RPS6KC1: variants seen among roughly 807,000 people sequenced by gnomAD.
The protein encoded by RPS6KC1 is ribosomal protein S6 kinase C1.
RPS6KC1 carries 54 observed loss-of-function variants against 103.8 expected under a neutral mutation model. The ratio of observed to expected loss-of-function variants is 0.52; its 90% CI spans 0.42 to 0.65. RPS6KC1 has a LOEUF of 0.65. RPS6KC1 is among the 30% of genes least tolerant of loss of function. The pLI, the probability that RPS6KC1 is intolerant of heterozygous loss-of-function variation, is 0.00. For missense variants in RPS6KC1, 1,151 were observed against 1,253.8 expected (o/e 0.92, Z 1.24); for synonymous variants, 439 against 438.7 (o/e 1.00, Z -0.01).
At chr1:213,675,684 C>A in the RPS6KC1 span, among the ~76,000 whole-genome samples, 4 of 151,906 alleles carry the variant, frequency 2.6e-5, no homozygotes, top group Non-Finnish European at 5.9e-5. Flanking sequence ...AGACACCAGT[C>A]TGACCAACAT....
the RPS6KC1 span, among the ~76,000 whole-genome samples, chr1:213,600,362 C>A: frequency 6.6e-6 from 1 of 152,150 alleles, no homozygotes; most frequent in Non-Finnish European, 1.5e-5. Flanking sequence ...GGAGGAGTCC[C>A]CTCTCTACCC....
chr1:213,076,520 G>A (rs2079353441), intron 2 of RPS6KC1, among the ~76,000 whole-genome samples: 1 of 152,056 alleles, frequency 6.6e-6, no homozygotes, highest in African/African-American at 2.4e-5. Flanking sequence ...CTGAAGTAAT[G>A]GGATTTAAAA....
At chr1:213,147,834 A>G (rs1004474998) in intron 6 of RPS6KC1, among the ~76,000 whole-genome samples, 2 of 152,134 alleles carry the variant, frequency 1.3e-5, no homozygotes, top group Admixed American at 1.3e-4. Context: ...TGAACATGGA[A>G]TATTTTTCCA....
At chr1:213,833,630 C>T in the RPS6KC1 span, among the ~76,000 whole-genome samples, 2 of 152,062 alleles carry the variant, frequency 1.3e-5, no homozygotes, top group Non-Finnish European at 2.9e-5. Context: ...ATTCAGTGCT[C>T]TTTATAAATT....
chr1:213,666,060 A>G, the RPS6KC1 span, among the ~76,000 whole-genome samples: 1 of 152,006 alleles, frequency 6.6e-6, no homozygotes, highest in African/African-American at 2.4e-5. Flanking sequence ...GTTAGCCATG[A>G]CCCCCTCTCG....
chr1:213,102,629 G>A (rs1156597220), intron 3 of RPS6KC1, among the ~76,000 whole-genome samples: 1 of 152,068 alleles, frequency 6.6e-6, no homozygotes, highest in Non-Finnish European at 1.5e-5. Context: ...AAAAATTGAG[G>A]AAGAAAGCAA....
chr1:213,154,524 C>T (rs1049154938), intron 6 of RPS6KC1, among the ~76,000 whole-genome samples: 1 of 152,228 alleles, frequency 6.6e-6, no homozygotes, highest in East Asian at 1.9e-4. Context: ...AGCCTTACCC[C>T]ATAGCCACTC....
the RPS6KC1 span, among the ~76,000 whole-genome samples, chr1:213,289,070 G>A: frequency 6.6e-6 from 1 of 151,988 alleles, no homozygotes; most frequent in African/African-American, 2.4e-5. Context: ...CTGTTCCTCA[G>A]GCGCCCCCAG....
At chr1:213,332,636 G>A in the RPS6KC1 span, among the ~76,000 whole-genome samples, 1 of 152,150 alleles carries the variant, frequency 6.6e-6, no homozygotes, top group Non-Finnish European at 1.5e-5. Context: ...CATTTAGTCA[G>A]CTCCTCTGTG....
the RPS6KC1 span, among the ~76,000 whole-genome samples, chr1:213,467,219 C>T: frequency 6.6e-6 from 1 of 152,072 alleles, no homozygotes; most frequent in African/African-American, 2.4e-5. Context: ...TAAATTATAC[C>T]AACTGAATTG....
the RPS6KC1 span, among the ~76,000 whole-genome samples, chr1:213,436,844 T>C: frequency 1.3e-5 from 2 of 152,276 alleles, no homozygotes; most frequent in African/African-American, 4.8e-5. Context: ...CAATCCATTT[T>C]GTATATTGAC....
chr1:213,283,338 T>C, the RPS6KC1 span, among the ~76,000 whole-genome samples: 1 of 152,162 alleles, frequency 6.6e-6, no homozygotes, highest in Non-Finnish European at 1.5e-5. Context: ...CACAAAAGCA[T>C]GCAGAGCAAC....
At chr1:213,418,378 C>A in the RPS6KC1 span, among the ~76,000 whole-genome samples, 2 of 151,972 alleles carry the variant, frequency 1.3e-5, no homozygotes, top group Non-Finnish European at 2.9e-5. Context: ...CACAGCTTCG[C>A]CCTGAGGAGA....
chr1:213,201,188 CA>C (rs1295607574), intron 8 of RPS6KC1, among the ~76,000 whole-genome samples: 1 of 152,110 alleles, frequency 6.6e-6, no homozygotes, highest in East Asian at 1.9e-4. Flanking sequence ...TCATAATTGC[CA>C]AAATGTGGAA....
chr1:213,511,238 TG>T, the RPS6KC1 span, among the ~76,000 whole-genome samples: 1 of 152,026 alleles, frequency 6.6e-6, no homozygotes, highest in African/African-American at 2.4e-5. Context: ...GACCAAAAAC[TG>T]GGGGCACTGT....
the RPS6KC1 span, among the ~76,000 whole-genome samples, chr1:213,380,312 A>G: frequency 6.6e-6 from 1 of 152,150 alleles, no homozygotes; most frequent in African/African-American, 2.4e-5. Context: ...CAACACAACA[A>G]TAGGGCCTAC....
At chr1:213,386,774 A>G in the RPS6KC1 span, among the ~76,000 whole-genome samples, 4,442 of 152,260 alleles carry the variant, frequency 0.029, 217 homozygotes, top group African/African-American at 0.1. Flanking sequence ...GCTGGCTGCC[A>G]TATGTCAGAG....
At chr1:213,463,051 A>G in the RPS6KC1 span, among the ~76,000 whole-genome samples, 16 of 152,348 alleles carry the variant, frequency 1.1e-4, no homozygotes, top group Non-Finnish European at 1.9e-4. Flanking sequence ...TTTGTTTCCT[A>G]CTAAGTAAGG....
the RPS6KC1 span, among the ~76,000 whole-genome samples, chr1:213,498,049 A>C: frequency 3.3e-5 from 5 of 152,304 alleles, no homozygotes; most frequent in African/African-American, 1.2e-4. Flanking sequence ...GATTGTTTTC[A>C]AACTGTTAAG....
Sources: gnomAD v4.1 joint callset for allele counts (sites outside exome capture counted in the v4.1 genomes callset) on GRCh38, gnomAD v4.1.1 for gene constraint, MANE v1.5 for transcripts, NCBI Gene and HGNC (gene_info 2026-07-23, HGNC 2026-07-21) for gene names.